RHBDD1: variants seen among roughly 807,000 people sequenced by gnomAD.
RHBDD1 encodes rhomboid-related protein 4.
In RHBDD1, 38 loss-of-function variants were observed where a neutral mutation model predicts 36.3. That is an observed-to-expected ratio of 1.05 (90% CI 0.81 to 1.37). The LOEUF (loss-of-function observed/expected upper bound fraction) is 1.37. RHBDD1 is among the 40% of genes most tolerant of loss of function. The probability of loss-of-function intolerance (pLI) is 0.00; values close to 1 mark genes in which losing one functional copy is unlikely to be tolerated. For missense variants in RHBDD1, 393 were observed against 377.6 expected (o/e 1.04, Z -0.34); for synonymous variants, 151 against 136.5 (o/e 1.11, Z -0.74).
At chr2:226,932,814 T>A (rs558728410) in intron 8 of RHBDD1, among the ~76,000 whole-genome samples, 220 of 152,198 alleles carry the variant, frequency 1.4e-3, no homozygotes, top group Non-Finnish European at 2.7e-3. Context: ...TTATTTTTCT[T>A]CCTTTTCCCT....
At chr2:226,842,695 A>G (rs993724776) in intron 3 of RHBDD1, among the ~76,000 whole-genome samples, 1 of 152,126 alleles carries the variant, frequency 6.6e-6, no homozygotes, top group African/African-American at 2.4e-5. Context: ...GTAGCCTTTT[A>G]GTATAGTTTG....
chr2:226,988,738 A>G (rs992806275), intron 8 of RHBDD1: 5 of 915,256 alleles, frequency 5.5e-6, no homozygotes, highest in Non-Finnish European at 6.5e-6. Context: ...ATATTAAGAG[A>G]TAGAACGAGC....
At chr2:226,982,616 A>G (rs1249382530) in intron 8 of RHBDD1, among the ~76,000 whole-genome samples, 1 of 152,200 alleles carries the variant, frequency 6.6e-6, no homozygotes, top group Non-Finnish European at 1.5e-5. Flanking sequence ...GACAAAACAA[A>G]TAGACTGAAT....
the RHBDD1 span, among the ~76,000 whole-genome samples, chr2:226,816,960 C>T: frequency 7.2e-6 from 1 of 139,570 alleles, no homozygotes; most frequent in Non-Finnish European, 1.6e-5. Context: ...GTTCATTTCT[C>T]ACTGAAGCAA....
At chr2:226,918,149 T>G (rs1398967285) in intron 8 of RHBDD1, among the ~76,000 whole-genome samples, 1 of 152,064 alleles carries the variant, frequency 6.6e-6, no homozygotes, top group Non-Finnish European at 1.5e-5. Context: ...AGCAAAGAGT[T>G]AGTTTGTTCA....
At chr2:226,925,795 G>T (rs1185770489) in intron 8 of RHBDD1, among the ~76,000 whole-genome samples, 1 of 152,100 alleles carries the variant, frequency 6.6e-6, no homozygotes, top group Non-Finnish European at 1.5e-5. Flanking sequence ...AAATAAGCTT[G>T]GGAAATATGT....
intron 3 of RHBDD1, among the ~76,000 whole-genome samples, chr2:226,856,711 A>G (rs1943362852): frequency 6.6e-6 from 1 of 152,224 alleles, no homozygotes; most frequent in Non-Finnish European, 1.5e-5. Flanking sequence ...GTTTGTGTAT[A>G]TTTTGACCAC....
intron 8 of RHBDD1, among the ~76,000 whole-genome samples, chr2:226,923,511 A>G (rs1311801092): frequency 1.3e-5 from 2 of 152,054 alleles, no homozygotes; most frequent in African/African-American, 4.8e-5. Flanking sequence ...ATTTGGGTCA[A>G]ATCTGTTTGA....
chr2:226,832,899 T>C (rs1940777198), upstream of RHBDD1, among the ~76,000 whole-genome samples: 1 of 152,116 alleles, frequency 6.6e-6, no homozygotes, highest in African/African-American at 2.4e-5. Flanking sequence ...TAATCCCAGC[T>C]ACTTGGGAAG....
chr2:226,978,683 A>T (rs554902307), intron 8 of RHBDD1, among the ~76,000 whole-genome samples: 37 of 152,262 alleles, frequency 2.4e-4, no homozygotes, highest in African/African-American at 8.4e-4. Context: ...ACGCTGTCAA[A>T]ATGATTAGAT....
At chr2:226,967,696 AT>A (rs1952755796) in intron 8 of RHBDD1, among the ~76,000 whole-genome samples, 2 of 151,992 alleles carry the variant, frequency 1.3e-5, no homozygotes, top group African/African-American at 4.8e-5. Context: ...TTTAATTGTT[AT>A]AGTGGAAAGA....
intron 5 of RHBDD1, among the ~76,000 whole-genome samples, chr2:226,889,479 TAAAGGAGA>T (rs1946508093): frequency 6.6e-6 from 1 of 152,110 alleles, no homozygotes; most frequent in African/African-American, 2.4e-5. Flanking sequence ...CAGAAAATAA[TAAAGGAGA>T]TTAAAACTAT....
intron 8 of RHBDD1, among the ~76,000 whole-genome samples, chr2:226,961,776 C>T (rs1411121591): frequency 2.6e-5 from 4 of 152,176 alleles, no homozygotes; most frequent in East Asian, 1.9e-4. Flanking sequence ...GTGCATACCT[C>T]GCACTGAGCA....
chr2:226,879,845 GCAGAAGGAATTTTGGTCTTCT>G (rs1334532389), intron 5 of RHBDD1, among the ~76,000 whole-genome samples: 1 of 152,188 alleles, frequency 6.6e-6, no homozygotes, highest in Non-Finnish European at 1.5e-5. Context: ...GATAAGGACT[GCAGAAGGAATTTTGGTCTTCT>G]CAGAGTTGGG....
intron 5 of RHBDD1, among the ~76,000 whole-genome samples, chr2:226,881,149 C>T (rs1362003198): frequency 1.3e-5 from 2 of 152,122 alleles, no homozygotes; most frequent in East Asian, 3.9e-4. Context: ...ACCACCAGAT[C>T]TCCTGAGAAC....
At position 226,995,632 on chromosome 2, in the gene RHBDD1, G is replaced by T. The variant is rs1959178925; in HGVS notation, c.*110G>T. 2 of 774,524 alleles carry T rather than the reference G, an allele frequency of 2.6e-6. No individual in the cohort carries two copies. Among genetic ancestry groups the T allele is most frequent in the South Asian group, 1.6e-5 (1 of 62,352 alleles). The allele number at this position is 774,524 out of a possible 1,614,324, so 48.0% of individuals were successfully genotyped here. On this transcript the variant is annotated 3_prime_UTR_variant, in exon 9 of 9. Coordinates refer to ENST00000392062, the MANE Select transcript of RHBDD1 (RefSeq NM_001167608.3). ...ATTTTAAACAAAAGCAGAGTACACC[G>T]GTATTGCTCCAGATCGCTCACATCA... is the stretch of plus-strand genomic sequence containing the variant.
At chr2:226,831,250 CTT>C (rs1210287438), upstream of RHBDD1, among the ~76,000 whole-genome samples, 1 of 152,136 alleles carries the variant, frequency 6.6e-6, no homozygotes, top group Non-Finnish European at 1.5e-5. Context: ...CTGGGCTTCT[CTT>C]TGTGGGAAGA....
rs145075849 is a variant in RHBDD1, at chr2:226,992,831, G to A, written c.857-2600G>A. On this transcript the variant is annotated intron_variant, in intron 8 of 8. Transcript: ENST00000392062. Reference sequence around the variant, plus strand: ...GGGGAAGTGGGAAAAGACTCAGAAGGTTCGCTGTTCTTCATGCTAGCTCAG... The same window carrying A: ...GGGGAAGTGGGAAAAGACTCAGAAGATTCGCTGTTCTTCATGCTAGCTCAG... Among the ~76,000 whole-genome samples, 82 of 152,310 alleles carry A rather than the reference G, an allele frequency of 5.4e-4. 1 individual carries two copies. Among genetic ancestry groups the A allele is most frequent in the Non-Finnish European group, 9.1e-4 (62 of 68,030 alleles).
chr2:226,942,182 C>T (rs1361543667), intron 8 of RHBDD1, among the ~76,000 whole-genome samples: 1 of 151,600 alleles, frequency 6.6e-6, no homozygotes, highest in Non-Finnish European at 1.5e-5. Flanking sequence ...ATAATTGGCC[C>T]ATGTAACTTA....
Sources: gnomAD v4.1 joint callset for allele counts (sites outside exome capture counted in the v4.1 genomes callset) on GRCh38, gnomAD v4.1.1 for gene constraint, MANE v1.5 for transcripts, NCBI Gene and HGNC (gene_info 2026-07-23, HGNC 2026-07-21) for gene names.